FAM117A: variants seen among roughly 807,000 people sequenced by gnomAD.
FAM117A encodes family with sequence similarity 117 member A.
In FAM117A, 21 loss-of-function variants were observed where a neutral mutation model predicts 44.1. The observed-to-expected ratio is 0.48, with a 90% confidence interval of 0.34 to 0.69. FAM117A has a LOEUF of 0.69. FAM117A is among the 30% of genes least tolerant of loss of function. FAM117A has a pLI of 0.01. For missense variants in FAM117A, 498 were observed against 589.9 expected, an observed-to-expected ratio of 0.84 and a Z score of 1.61; for synonymous variants, 220 against 238.3, an observed-to-expected ratio of 0.92 and a Z score of 0.71.
In FAM117A at chr17:49,719,510, G is replaced by A. The variant is rs1165446099; in HGVS notation, c.708+250C>T. ...CCTGTCTGTTCCTCCCAGCGGGGGG[G>A]CCTCCTCTCTGCCAATCCTTGCCCC... On this transcript the variant is annotated intron_variant, in intron 5 of 7. Coordinates refer to ENST00000240364, the MANE Select transcript of FAM117A (RefSeq NM_030802.4). 6 of 368,450 alleles carry A rather than the reference G, an allele frequency of 1.6e-5. No individual in the cohort carries two copies. In the South Asian group the frequency reaches 4.3e-4, roughly 26 times the overall value. The allele number at this position is 368,450 out of a possible 1,614,324, so 22.8% of individuals were successfully genotyped here. A position where few individuals can be genotyped will look rare whatever the true frequency, so the allele number is the denominator to read the frequency against.
chr17:49,740,521 T>G (rs1598027705), intron 1 of FAM117A, among the ~76,000 whole-genome samples: 1 of 152,200 alleles, frequency 6.6e-6, no homozygotes. Context: ...AGTGCTGGGA[T>G]TACAGGCGTG....
intron 2 of FAM117A, among the ~76,000 whole-genome samples, chr17:49,729,316 G>A (rs1447100783): frequency 3.3e-5 from 5 of 152,090 alleles, no homozygotes. Flanking sequence ...CAGGGCTGCT[G>A]GCTCTTGGTG....
At chr17:49,731,781 TTTTTTA>T (rs2073586307) in intron 2 of FAM117A, among the ~76,000 whole-genome samples, 1 of 151,150 alleles carries the variant, frequency 6.6e-6, no homozygotes, top group African/African-American at 2.5e-5. Flanking sequence ...GTAAATCTCA[TTTTTTA>T]TTTTTTTTAT....
chr17:49,779,694 CT>C (rs1192912241), intron 1 of FAM117A, among the ~76,000 whole-genome samples: 4 of 152,210 alleles, frequency 2.6e-5, no homozygotes. Flanking sequence ...AGACTTGGGT[CT>C]TGACCTGCTA....
In FAM117A at chr17:49,711,158, G is replaced by A; in HGVS notation, c.*97C>T. On this transcript the variant is annotated 3_prime_UTR_variant, in exon 8 of 8. Coordinates refer to ENST00000240364, the MANE Select transcript of FAM117A (RefSeq NM_030802.4). ...GAAAGAAAGTGCTCGAAGGCCGAGA[G>A]GGAAGGGCCCCTCCATACCCCATCT... 2 of 1,248,036 alleles carry A rather than the reference G, an allele frequency of 1.6e-6. No homozygotes were observed. The highest frequency in any genetic ancestry group is 3.0e-5 in the South Asian group (2 of 66,394). 77.3% of individuals were successfully genotyped at this position (1,248,036 alleles called of 1,614,324 possible).
chr17:49,756,652 A>C (rs183914557), intron 1 of FAM117A, among the ~76,000 whole-genome samples: 28 of 151,758 alleles, frequency 1.8e-4, no homozygotes, highest in Admixed American at 1.8e-3. Flanking sequence ...GTGGTGGTTC[A>C]CACCTGTAAT....
intron 1 of FAM117A, among the ~76,000 whole-genome samples, chr17:49,744,666 T>C (rs1209744181): frequency 6.6e-6 from 1 of 151,794 alleles, no homozygotes; most frequent in East Asian, 1.9e-4. Context: ...TAATACCTAA[T>C]ATAATGTAAA....
intron 1 of FAM117A, among the ~76,000 whole-genome samples, chr17:49,785,996 T>A (rs750310112): frequency 1.4e-4 from 21 of 152,224 alleles, no homozygotes; most frequent in Non-Finnish European, 2.9e-4. Context: ...TGTGTTGTGA[T>A]GAACATGACT....
At chr17:49,719,504 G>T (rs775354199) in intron 5 of FAM117A, 2 of 343,444 alleles carry the variant, frequency 5.8e-6, no homozygotes, top group East Asian at 5.1e-5. Flanking sequence ...TCCTCCCAGC[G>T]GGGGGGCCTC....
chr17:49,718,083 A>G, intron 5 of FAM117A: 1 of 164,796 alleles, frequency 6.1e-6, no homozygotes, highest in East Asian at 1.7e-4. Flanking sequence ...TGGAGGGCAC[A>G]ATAGCGGCAA....
chr17:49,780,067 C>T (rs558859811), intron 1 of FAM117A, among the ~76,000 whole-genome samples: 7 of 152,256 alleles, frequency 4.6e-5, no homozygotes, highest in African/African-American at 1.4e-4. Flanking sequence ...GCTAGTTTGC[C>T]TTAAATAGAG....
chr17:49,712,808 C>T (rs548100048), intron 7 of FAM117A, among the ~76,000 whole-genome samples: 5 of 152,266 alleles, frequency 3.3e-5, no homozygotes, highest in South Asian at 2.1e-4. Flanking sequence ...TAGACCTTAT[C>T]GGAAGATCTG....
chr17:49,719,003 C>T (rs1455911062), intron 5 of FAM117A, among the ~76,000 whole-genome samples: 4 of 150,894 alleles, frequency 2.7e-5, no homozygotes, highest in Non-Finnish European at 5.9e-5. Context: ...GTGGCTCACG[C>T]CTGTAATCCC....
chr17:49,753,602 G>A (rs1323272716), intron 1 of FAM117A, among the ~76,000 whole-genome samples: 1 of 152,144 alleles, frequency 6.6e-6, no homozygotes, highest in East Asian at 1.9e-4. Context: ...GACCACCTGA[G>A]GTCAGGAGTT....
chr17:49,777,974 C>A (rs1274861216), intron 1 of FAM117A, among the ~76,000 whole-genome samples: 1 of 152,198 alleles, frequency 6.6e-6, no homozygotes, highest in Non-Finnish European at 1.5e-5. Flanking sequence ...ACTTATACAG[C>A]TTAGAATTTG....
At chr17:49,748,217 A>G (rs774689849) in intron 1 of FAM117A, among the ~76,000 whole-genome samples, 1 of 152,214 alleles carries the variant, frequency 6.6e-6, no homozygotes, top group Non-Finnish European at 1.5e-5. Flanking sequence ...TAACCTCATG[A>G]AGCAAAAAAT....
chr17:49,764,241 C>T, upstream of FAM117A: 1 of 409,396 alleles, frequency 2.4e-6, no homozygotes, highest in Non-Finnish European at 4.4e-6. Context: ...CCACCCCAGC[C>T]AATCCACAGC....
At chr17:49,738,644 G>A (rs930179908) in intron 1 of FAM117A, among the ~76,000 whole-genome samples, 3 of 152,256 alleles carry the variant, frequency 2.0e-5, no homozygotes, top group South Asian at 2.1e-4. Flanking sequence ...CTGGCACAGC[G>A]CCTCACTGGC....
intron 2 of FAM117A, among the ~76,000 whole-genome samples, chr17:49,723,781 G>C (rs1192966877): frequency 1.3e-5 from 2 of 152,128 alleles, no homozygotes; most frequent in Non-Finnish European, 2.9e-5. Context: ...GTGGAGAGGG[G>C]CCACTGGGGA....
Sources: gnomAD v4.1 joint callset for allele counts (sites outside exome capture counted in the v4.1 genomes callset) on GRCh38, gnomAD v4.1.1 for gene constraint, MANE v1.5 for transcripts, NCBI Gene and HGNC (gene_info 2026-07-23, HGNC 2026-07-21) for gene names.